Variants in PAX2 observed in about 807,000 individuals in gnomAD.
The protein encoded by PAX2 is paired box protein Pax-2.
A neutral mutation model predicts 41.7 loss-of-function variants in PAX2; 9 were observed. The ratio of observed to expected loss-of-function variants is 0.22; its 90% CI spans 0.13 to 0.38. PAX2 has a LOEUF of 0.38. Ranked by LOEUF, PAX2 falls within the 10% of genes least tolerant of loss-of-function variation. The probability of loss-of-function intolerance (pLI) is 1.00; values close to 1 mark genes in which losing one functional copy is unlikely to be tolerated. For synonymous variants in PAX2, 221 were observed against 212.7 expected, an observed-to-expected ratio of 1.04 and a Z score of -0.34; for missense variants, 418 against 531.6, an observed-to-expected ratio of 0.79 and a Z score of 2.10.
exon 1 of PAX2, chr10:100,735,610 G>GGGCGGC (rs994259552): frequency 2.5e-5 from 25 of 982,784 alleles, no homozygotes; most frequent in Middle Eastern, 4.4e-4. Context: ...CCAGATCTCC[G>GGGCGGC]GGCGGCGGCG....
intron 3 of PAX2, among the ~76,000 whole-genome samples, chr10:100,752,760 C>T (rs995906033): frequency 6.6e-6 from 1 of 152,122 alleles, no homozygotes; most frequent in South Asian, 2.1e-4. Context: ...CCGTCCAACA[C>T]CCCCTGCCCC....
At chr10:100,802,020 C>T (rs533793545) in intron 5 of PAX2, among the ~76,000 whole-genome samples, 3 of 152,310 alleles carry the variant, frequency 2.0e-5, no homozygotes, top group South Asian at 2.1e-4. Context: ...GTAATGAGTT[C>T]TTGATACTTG....
At chr10:100,797,290 G>T (rs1847372836) in intron 5 of PAX2, among the ~76,000 whole-genome samples, 1 of 152,248 alleles carries the variant, frequency 6.6e-6, no homozygotes, top group African/African-American at 2.4e-5. Context: ...GCTATCATAA[G>T]TTGTTCTGGG....
At chr10:100,809,348 G>C in intron 7 of PAX2, 112 bp downstream of exon 7, 1 of 1,103,032 alleles carries the variant, frequency 9.1e-7, no homozygotes, top group Non-Finnish European at 1.4e-6. Context: ...TATTTACAGA[G>C]AGAACGAGGC....
At chr10:100,786,065 C>T (rs189561912) in intron 5 of PAX2, among the ~76,000 whole-genome samples, 14 of 152,286 alleles carry the variant, frequency 9.2e-5, no homozygotes, top group Non-Finnish European at 2.9e-5. Flanking sequence ...GCCTAATTGG[C>T]AGGTTTATGT....
chr10:100,740,558 A>G (rs1017808902), intron 1 of PAX2, among the ~76,000 whole-genome samples: 5 of 152,224 alleles, frequency 3.3e-5, no homozygotes, highest in African/African-American at 1.2e-4. Flanking sequence ...CCTCTTTGTG[A>G]AAGGGTAAGA....
At chr10:100,760,977 G>A (rs60145745) in intron 3 of PAX2, among the ~76,000 whole-genome samples, 13,256 of 152,180 alleles carry the variant, frequency 0.087, 1,719 homozygotes, top group African/African-American at 0.28. Flanking sequence ...AGAAGGAGGT[G>A]TGACTGGGGT....
At chr10:100,779,737 T>C (rs1191348382) in intron 4 of PAX2, among the ~76,000 whole-genome samples, 154 bp downstream of exon 4, 1 of 152,148 alleles carries the variant, frequency 6.6e-6, no homozygotes, top group East Asian at 1.9e-4. Flanking sequence ...ACATAGGGTC[T>C]TCCTGAGAGA....
chr10:100,747,164 C>T (rs1023733671), intron 1 of PAX2: 1 of 152,256 alleles, frequency 6.6e-6, no homozygotes, highest in South Asian at 2.1e-4. Flanking sequence ...GCTCTGCTCT[C>T]AGCTCTGGAG....
chr10:100,790,997 C>T (rs1186767019), intron 5 of PAX2, among the ~76,000 whole-genome samples: 1 of 152,230 alleles, frequency 6.6e-6, no homozygotes, highest in Non-Finnish European at 1.5e-5. Context: ...TGAACCTGAA[C>T]CTGCTGACCT....
At chr10:100,790,892 G>C (rs1847089654) in intron 5 of PAX2, among the ~76,000 whole-genome samples, 2 of 152,186 alleles carry the variant, frequency 1.3e-5, no homozygotes, top group African/African-American at 4.8e-5. Context: ...CCTGGCTCAG[G>C]GGCTGCGAGA....
At chr10:100,738,483 A>C (rs1844846617) in intron 1 of PAX2, among the ~76,000 whole-genome samples, 1 of 152,162 alleles carries the variant, frequency 6.6e-6, no homozygotes, top group South Asian at 2.1e-4. Flanking sequence ...ACCCCCTGGC[A>C]CTTTTTACAC....
At chr10:100,800,936 T>G (rs1226267032) in intron 5 of PAX2, among the ~76,000 whole-genome samples, 1 of 152,206 alleles carries the variant, frequency 6.6e-6, no homozygotes, top group Non-Finnish European at 1.5e-5. Flanking sequence ...AAAACTTAGA[T>G]GAAAAGAAAA....
chr10:100,805,023 T>TACACACAC (rs3978747), intron 5 of PAX2, among the ~76,000 whole-genome samples: 11 of 95,020 alleles, frequency 1.2e-4, no homozygotes, highest in African/African-American at 2.7e-4. Context: ...CTCTCTCACA[T>TACACACAC]ACACACACAC....
chr10:100,747,571 A>T (rs948184874), intron 1 of PAX2: 70 of 976,720 alleles, frequency 7.2e-5, no homozygotes, highest in Non-Finnish European at 8.1e-5. Flanking sequence ...TTCACAAGGA[A>T]ACTTTAGACC....
upstream of PAX2, among the ~76,000 whole-genome samples, chr10:100,742,066 C>T (rs1176851462): frequency 6.6e-6 from 1 of 152,184 alleles, no homozygotes; most frequent in Non-Finnish European, 1.5e-5. Context: ...CTACTGGAGG[C>T]CGGGCGCCTG....
At chr10:100,767,393 T>C (rs764381634) in intron 3 of PAX2, among the ~76,000 whole-genome samples, 4 of 152,080 alleles carry the variant, frequency 2.6e-5, no homozygotes, top group Non-Finnish European at 5.9e-5. Flanking sequence ...GAGTAAACTG[T>C]CCCCTGAGCC....
chr10:100,749,365 C>G, intron 1 of PAX2: 1 of 1,039,880 alleles, frequency 9.6e-7, no homozygotes, highest in Non-Finnish European at 1.2e-6. Context: ...CTGCTTCGCA[C>G]TAGTCCAGTC....
At chr10:100,821,615 A>G (rs1848382467) in intron 7 of PAX2, among the ~76,000 whole-genome samples, 1 of 152,244 alleles carries the variant, frequency 6.6e-6, no homozygotes, top group Non-Finnish European at 1.5e-5. Context: ...AGTAGAAATA[A>G]AACTTTCCAA....
Sources: gnomAD v4.1 joint callset for allele counts (sites outside exome capture counted in the v4.1 genomes callset) on GRCh38, gnomAD v4.1.1 for gene constraint, MANE v1.5 for transcripts, NCBI Gene and HGNC (gene_info 2026-07-23, HGNC 2026-07-21) for gene names.